RANBP2: variants seen among roughly 807,000 people sequenced by gnomAD.
The protein encoded by RANBP2 is RAN binding protein 2.
RANBP2 carries 57 observed loss-of-function variants against 303.6 expected under a neutral mutation model. The ratio of observed to expected loss-of-function variants is 0.19; its 90% CI spans 0.15 to 0.23. The LOEUF is 0.23. Ranked by LOEUF, RANBP2 falls within the 10% of genes least tolerant of loss-of-function variation. The pLI, the probability that RANBP2 is intolerant of heterozygous loss-of-function variation, is 1.00. For missense variants in RANBP2, 3,138 were observed against 3,780.8 expected (o/e 0.83, Z 4.46); for synonymous variants, 1,167 against 1,301.5 (o/e 0.90, Z 2.23).
the RANBP2 span, among the ~76,000 whole-genome samples, chr2:109,071,588 C>T: frequency 6.6e-6 from 1 of 151,970 alleles, no homozygotes; most frequent in Non-Finnish European, 1.5e-5. Flanking sequence ...GCATGAGAAT[C>T]ACTTGAACCT....
the RANBP2 span, chr2:109,613,101 T>A: frequency 9.7e-7 from 1 of 1,031,146 alleles, no homozygotes; most frequent in Non-Finnish European, 1.3e-6. Context: ...GGCGGTGAGA[T>A]CACTCCATAC....
the RANBP2 span, among the ~76,000 whole-genome samples, chr2:109,645,684 A>C: frequency 6.6e-6 from 1 of 152,128 alleles, no homozygotes; most frequent in Non-Finnish European, 1.5e-5. Context: ...CCTTCACTTA[A>C]ATATGTGGAC....
the RANBP2 span, among the ~76,000 whole-genome samples, chr2:109,215,545 C>G: frequency 9.6e-3 from 1,457 of 152,236 alleles, 24 homozygotes; most frequent in African/African-American, 0.032. Flanking sequence ...ATGTGGGTTC[C>G]TCTCGGGAGA....
chr2:109,138,847 G>A, the RANBP2 span, among the ~76,000 whole-genome samples: 1 of 152,178 alleles, frequency 6.6e-6, no homozygotes, highest in Non-Finnish European at 1.5e-5. Flanking sequence ...CCACCCTGTT[G>A]CAAATACTGT....
At chr2:109,138,058 C>T in the RANBP2 span, among the ~76,000 whole-genome samples, 1 of 152,214 alleles carries the variant, frequency 6.6e-6, no homozygotes, top group African/African-American at 2.4e-5. Context: ...CTCTGTTACC[C>T]TAGCTGGAGT....
At chr2:109,708,077 G>T in the RANBP2 span, among the ~76,000 whole-genome samples, 1 of 152,206 alleles carries the variant, frequency 6.6e-6, no homozygotes, top group East Asian at 1.9e-4. Context: ...AAGACCCCAG[G>T]TCAGGCACAG....
the RANBP2 span, among the ~76,000 whole-genome samples, chr2:109,431,676 A>G: frequency 6.6e-6 from 1 of 152,206 alleles, no homozygotes; most frequent in East Asian, 1.9e-4. Context: ...GCTCAAGACC[A>G]GTCTGGGCAA....
At chr2:109,122,627 T>C in the RANBP2 span, among the ~76,000 whole-genome samples, 1 of 152,182 alleles carries the variant, frequency 6.6e-6, no homozygotes, top group Non-Finnish European at 1.5e-5. Context: ...CTTAGCACTT[T>C]GGGAGGCCAA....
At chr2:108,720,130 G>A (rs535484207) in intron 1 of RANBP2, 491 of 984,318 alleles carry the variant, frequency 5.0e-4, no homozygotes, top group Non-Finnish European at 5.7e-4. Context: ...AGTGGGGACT[G>A]ACGCAGCTCC....
the RANBP2 span, among the ~76,000 whole-genome samples, chr2:108,993,359 G>A: frequency 2.0e-5 from 3 of 152,214 alleles, no homozygotes; most frequent in African/African-American, 7.2e-5. Flanking sequence ...GCTGAGCCCA[G>A]CCCAGGAAGG....
intron 6 of RANBP2, among the ~76,000 whole-genome samples, chr2:108,737,281 G>A (rs2949974): frequency 6.7e-6 from 1 of 148,248 alleles, no homozygotes; most frequent in African/African-American, 2.5e-5. Context: ...TTACATTTTT[G>A]TTAAGGACAT....
chr2:109,711,838 G>A, the RANBP2 span, among the ~76,000 whole-genome samples: 29,633 of 151,998 alleles, frequency 0.19, 3,052 homozygotes, highest in East Asian at 0.31. Context: ...GAAAGTGTCC[G>A]TTGTGTGTTT....
At chr2:109,519,882 G>T in the RANBP2 span, among the ~76,000 whole-genome samples, 5 of 152,208 alleles carry the variant, frequency 3.3e-5, no homozygotes, top group African/African-American at 1.2e-4. Context: ...TGGGGTTGGG[G>T]TAAGAAAGGG....
chr2:109,435,657 A>G, the RANBP2 span, among the ~76,000 whole-genome samples: 2 of 152,208 alleles, frequency 1.3e-5, no homozygotes, highest in Non-Finnish European at 2.9e-5. Flanking sequence ...GCAGAGGGAA[A>G]GGGTTTTCTG....
chr2:108,761,559 T>C (rs1040824884), intron 18 of RANBP2, among the ~76,000 whole-genome samples: 24 of 152,196 alleles, frequency 1.6e-4, no homozygotes, highest in Non-Finnish European at 3.4e-4. Flanking sequence ...TGAGTGTTGA[T>C]GTGCTTTTTA....
At chr2:109,084,873 C>T in the RANBP2 span, among the ~76,000 whole-genome samples, 3 of 152,134 alleles carry the variant, frequency 2.0e-5, no homozygotes, top group Admixed American at 2.0e-4. Context: ...GAAACTGATG[C>T]CTACGGAGGG....
At chr2:109,040,865 C>T in the RANBP2 span, among the ~76,000 whole-genome samples, 1 of 152,074 alleles carries the variant, frequency 6.6e-6, no homozygotes, top group Non-Finnish European at 1.5e-5. Flanking sequence ...ACCATCCTAG[C>T]TAACACAGTG....
chr2:109,092,678 C>A, the RANBP2 span, among the ~76,000 whole-genome samples: 1 of 152,074 alleles, frequency 6.6e-6, no homozygotes, highest in Non-Finnish European at 1.5e-5. Flanking sequence ...GGTATGCCAA[C>A]AAAAAGGGTA....
At chr2:109,707,570 G>C in the RANBP2 span, among the ~76,000 whole-genome samples, 4 of 152,124 alleles carry the variant, frequency 2.6e-5, no homozygotes, top group Non-Finnish European at 4.4e-5. Context: ...AAGCCCTCCA[G>C]ATTCCTCCAC....
Sources: gnomAD v4.1 joint callset for allele counts (sites outside exome capture counted in the v4.1 genomes callset) on GRCh38, gnomAD v4.1.1 for gene constraint, MANE v1.5 for transcripts, NCBI Gene and HGNC (gene_info 2026-07-23, HGNC 2026-07-21) for gene names.